The following UGP2 variants were observed in gnomAD, a reference collection of about 807,000 sequenced individuals.
UGP2 encodes UTP--glucose-1-phosphate uridylyltransferase.
In UGP2, 40 loss-of-function variants were observed where a neutral mutation model predicts 49.0. The observed-to-expected ratio is 0.82, with a 90% CI of 0.63 to 1.06. The LOEUF is 1.06. Among genes scored for constraint, UGP2 ranks in the 50% least tolerant of loss-of-function variants. UGP2 has a pLI of 0.00. For synonymous variants in UGP2, 225 were observed against 213.0 expected (o/e 1.06, Z -0.49); for missense variants, 460 against 603.5 (o/e 0.76, Z 2.49).
chr2:63,885,971 T>C (rs1383833439), intron 6 of UGP2, 85 bp downstream of exon 6: 1 of 1,397,858 alleles, frequency 7.2e-7, no homozygotes. Context: ...ATTTGAAAGT[T>C]TCTATGTTAA....
intron 3 of UGP2, among the ~76,000 whole-genome samples, chr2:63,868,552 T>C (rs1396847921): frequency 6.6e-6 from 1 of 152,238 alleles, no homozygotes; most frequent in African/African-American, 2.4e-5. Flanking sequence ...AACCGTGTAA[T>C]GAATATAAAA....
At chr2:63,890,973 G>A (rs887086173) in intron 9 of UGP2, 147 bp from the exon 10 acceptor site, 2 of 544,800 alleles carry the variant, frequency 3.7e-6, no homozygotes, top group East Asian at 3.2e-5. Context: ...TTCCTTAACT[G>A]TTATTTGTTT....
intron 3 of UGP2, among the ~76,000 whole-genome samples, chr2:63,864,429 A>G (rs1670044303): frequency 6.6e-6 from 1 of 152,234 alleles, no homozygotes; most frequent in Admixed American, 6.5e-5. Context: ...CAGTAGTAAT[A>G]ACAATAGCAA....
intron 4 of UGP2, chr2:63,882,866 G>T: frequency 6.1e-6 from 2 of 327,286 alleles, no homozygotes; most frequent in Non-Finnish European, 1.1e-5. Context: ...ACCTGTGGTT[G>T]TTGAAATCTC....
At chr2:63,876,044 G>A (rs977103563) in intron 3 of UGP2, among the ~76,000 whole-genome samples, 1 of 152,072 alleles carries the variant, frequency 6.6e-6, no homozygotes, top group East Asian at 1.9e-4. Context: ...GCTAAGTAGG[G>A]AAAGTGGAAG....
At chr2:63,856,472 C>G in intron 2 of UGP2, 39 bp downstream of exon 2, 2 of 1,526,468 alleles carry the variant, frequency 1.3e-6, no homozygotes, top group Admixed American at 3.6e-5. Flanking sequence ...CCCCGCCCCT[C>G]CCTTCATCTG....
chr2:63,849,655 C>T (rs1266821178), intron 1 of UGP2, among the ~76,000 whole-genome samples: 1 of 152,182 alleles, frequency 6.6e-6, no homozygotes, highest in African/African-American at 2.4e-5. Context: ...TGCCGGTTTT[C>T]ATTCAGATTT....
At position 63,891,097 on chromosome 2, in the gene UGP2, CTTT is replaced by C. The variant is rs777455437; in HGVS notation, c.1420-21_1420-19del. On this transcript the variant is annotated intron_variant, in intron 9 of 9. Transcript: ENST00000337130. ...ATTGCATTTCAGTTGCAAGTACACT[CTTT>C]TGTTTTCCCTGTCACTTAGGGAACG... 3 of 1,597,382 alleles carry C rather than the reference CTTT, an allele frequency of 1.9e-6. No homozygotes were observed. Among genetic ancestry groups the C allele is most frequent in the East Asian group, 2.2e-5 (1 of 44,632 alleles).
At chr2:63,883,936 T>C (rs1199781374) in intron 4 of UGP2, 24 bp from the exon 5 acceptor site, 1 of 1,589,488 alleles carries the variant, frequency 6.3e-7, no homozygotes, top group Non-Finnish European at 8.5e-7. Context: ...GTCTGGGTAA[T>C]CTAATTGTCA....
At chr2:63,877,999 CAAAAAAAAAAAAAAA>C (rs61669991) in intron 3 of UGP2, among the ~76,000 whole-genome samples, 5 of 67,886 alleles carry the variant, frequency 7.4e-5, no homozygotes, top group South Asian at 6.4e-4. Context: ...GACTCCGTCT[CAAAAAAAAAAAAAAA>C]AAAAAAAAAA....
intron 1 of UGP2, among the ~76,000 whole-genome samples, chr2:63,854,245 A>G (rs1438159154): frequency 6.6e-6 from 1 of 152,194 alleles, no homozygotes; most frequent in African/African-American, 2.4e-5. Context: ...TCCCATCTAT[A>G]AAAATGTTTG....
intron 9 of UGP2, 59 bp from the exon 10 acceptor site, chr2:63,891,061 A>AAGAT: frequency 6.8e-7 from 1 of 1,464,786 alleles, no homozygotes; most frequent in Admixed American, 1.8e-5. Context: ...TGATCACTGT[A>AAGAT]AGATAATCAA....
In UGP2 at chr2:63,887,397, T is replaced by C. The variant is rs1186991504; in HGVS notation, c.1072-5T>C. ...TTTCTATTCCCCACCCCTAATTTCT[T>C]ACAGACTTTGGATGGAGGCCTGAAT... On this transcript the variant is annotated splice_polypyrimidine_tract_variant and splice_region_variant and intron_variant, in intron 7 of 9. Coordinates refer to ENST00000337130, the MANE Select transcript of UGP2 (RefSeq NM_006759.4). 4.3e-6 allele frequency: 7 copies of C among 1,613,968 alleles called. No homozygotes were observed. Among genetic ancestry groups the C allele is most frequent in the Non-Finnish European group, 5.9e-6 (7 of 1,179,944 alleles).
intron 3 of UGP2, among the ~76,000 whole-genome samples, chr2:63,870,182 A>G (rs1670457754): frequency 6.6e-6 from 1 of 152,196 alleles, no homozygotes; most frequent in African/African-American, 2.4e-5. Context: ...TCTGTCTCCC[A>G]AAGTGCTGGG....
chr2:63,843,348 G>C (rs1471273773), intron 1 of UGP2, among the ~76,000 whole-genome samples: 1 of 152,208 alleles, frequency 6.6e-6, no homozygotes, highest in Non-Finnish European at 1.5e-5. Context: ...TACCTTATAT[G>C]TGGTAAGAGA....
chr2:63,863,021 T>A, intron 3 of UGP2: 1 of 335,780 alleles, frequency 3.0e-6, no homozygotes, highest in Admixed American at 4.2e-5. Context: ...AAGTGGAGTG[T>A]TCTTTTAAAA....
chr2:63,862,010 C>T (rs897344509), intron 3 of UGP2, among the ~76,000 whole-genome samples: 10 of 151,340 alleles, frequency 6.6e-5, no homozygotes, highest in South Asian at 4.2e-4. Flanking sequence ...GAAGGTGAAC[C>T]GTAGTACACT....
chr2:63,884,154 T>C (rs1671503645), intron 5 of UGP2, 61 bp downstream of exon 5: 1 of 1,585,206 alleles, frequency 6.3e-7, no homozygotes, highest in Non-Finnish European at 8.6e-7. Flanking sequence ...TTCTTTATCT[T>C]GTTTATAACA....
chr2:63,856,369 T>C lies in UGP2; in HGVS notation c.83T>C (p.Leu28Pro). 1 of 1,613,958 alleles carries C rather than the reference T, an allele frequency of 6.2e-7. No homozygotes were observed. The highest frequency in any genetic ancestry group is 8.5e-7 in the Non-Finnish European group (1 of 1,180,020). ...SQFQEVIRQELELSVKKELEK... is the reference protein window; with the variant it reads ...SQFQEVIRQEPELSVKKELEK... ...TTCCAAGAAGTCATTCGGCAAGAGC[T>C]AGAATTATCTGTGAAGAAGGAACTA... Residue 28 changes from leucine to proline, a missense_variant, in exon 2 of 10, where the codon CTA becomes CCA. Transcript: ENST00000337130.
Sources: allele counts gnomAD v4.1 joint callset (sites outside exome capture counted in the v4.1 genomes callset), GRCh38; gene constraint gnomAD v4.1.1; transcripts MANE v1.5; gene names NCBI Gene and HGNC (gene_info 2026-07-23, HGNC 2026-07-21).